NCKAP5: variants seen among roughly 807,000 people sequenced by gnomAD.
NCKAP5 encodes NCK associated protein 5.
In NCKAP5, 92 loss-of-function variants were observed where a neutral mutation model predicts 167.0. The ratio of observed to expected loss-of-function variants is 0.55; its 90% CI spans 0.47 to 0.66. The LOEUF is 0.66. NCKAP5 is among the 30% of genes least tolerant of loss of function. NCKAP5 has a pLI of 0.00. For missense variants in NCKAP5, 2,378 were observed against 2,315.0 expected (o/e 1.03, Z -0.56); for synonymous variants, 891 against 877.4 (o/e 1.02, Z -0.27).
chr2:133,596,069 C>G, the NCKAP5 span: 2 of 152,434 alleles, frequency 1.3e-5, no homozygotes, highest in African/African-American at 2.4e-5. Flanking sequence ...CCATTCTTAG[C>G]TTGTGGGCTA....
the NCKAP5 span, among the ~76,000 whole-genome samples, chr2:133,632,424 G>A: frequency 2.4e-4 from 36 of 152,296 alleles, no homozygotes; most frequent in African/African-American, 8.4e-4. Context: ...TAATGCAGGG[G>A]GAAAAAAAGA....
rs142555154 is a variant in NCKAP5 at position 133,440,499 on chromosome 2, A to G, written c.69+76959T>C. Among the ~76,000 whole-genome samples the G allele has an allele frequency of 1.7e-4, 26 of 152,068 alleles. 1 individual carries two copies. The East Asian group carries it at 4.9e-3, about 28-fold the overall frequency. On this transcript the variant is annotated intron_variant, in intron 3 of 19. Coordinates refer to ENST00000409261, the MANE Select transcript of NCKAP5 (RefSeq NM_207363.3). ...GCCGAGGAGGGTGGATCACAGGGTC[A>G]GGAGATCGAGACCATCCTGGCTAAC... is the stretch of plus-strand genomic sequence containing the variant.
At chr2:132,974,363 C>T (rs748814034) in intron 7 of NCKAP5, among the ~76,000 whole-genome samples, 1 of 152,156 alleles carries the variant, frequency 6.6e-6, no homozygotes, top group Non-Finnish European at 1.5e-5. Flanking sequence ...ATGAAATATG[C>T]TCTTTCCAGA....
At chr2:133,172,804 C>T (rs184280516) in intron 5 of NCKAP5, among the ~76,000 whole-genome samples, 36 of 152,256 alleles carry the variant, frequency 2.4e-4, no homozygotes, top group African/African-American at 8.7e-4. Context: ...CCCACCAACA[C>T]GCCCAGCTAA....
intron 6 of NCKAP5, among the ~76,000 whole-genome samples, chr2:133,084,836 A>G (rs1474986480): frequency 1.3e-5 from 2 of 152,146 alleles, no homozygotes; most frequent in African/African-American, 2.4e-5. Context: ...AAAAATTTCA[A>G]ATCGTTTTTC....
chr2:133,334,980 A>G (rs577400256), intron 3 of NCKAP5, among the ~76,000 whole-genome samples: 1 of 152,356 alleles, frequency 6.6e-6, no homozygotes, highest in African/African-American at 2.4e-5. Flanking sequence ...GAGGTCATTC[A>G]CTACCTCCTA....
chr2:132,953,652 CAG>C (rs141227824), intron 8 of NCKAP5, among the ~76,000 whole-genome samples: 261 of 144,172 alleles, frequency 1.8e-3, no homozygotes, highest in Non-Finnish European at 1.8e-3. Context: ...GACAGGCAGA[CAG>C]AGAGAGAGAG....
At chr2:132,878,286 C>A (rs952046352) in intron 9 of NCKAP5, among the ~76,000 whole-genome samples, 7 of 152,164 alleles carry the variant, frequency 4.6e-5, no homozygotes, top group Non-Finnish European at 1.0e-4. Flanking sequence ...TGCGTATAGC[C>A]CTGTCTTCTT....
At chr2:133,052,101 T>C (rs796778282) in intron 6 of NCKAP5, among the ~76,000 whole-genome samples, 4 of 152,344 alleles carry the variant, frequency 2.6e-5, no homozygotes, top group African/African-American at 9.6e-5. Context: ...TCATTGGTTG[T>C]CATTGGCAGT....
At chr2:133,541,884 G>A (rs1575128447) in intron 2 of NCKAP5, among the ~76,000 whole-genome samples, 1 of 152,176 alleles carries the variant, frequency 6.6e-6, no homozygotes, top group Admixed American at 6.5e-5. Context: ...AAACTAGGCT[G>A]AGGAGGAAGC....
chr2:132,960,799 C>G (rs1176059063), intron 8 of NCKAP5, among the ~76,000 whole-genome samples: 8 of 152,070 alleles, frequency 5.3e-5, no homozygotes, highest in African/African-American at 9.7e-5. Context: ...ATTTCATTTT[C>G]CACACCTTCT....
At chr2:133,550,712 A>G (rs1365189535) in intron 2 of NCKAP5, among the ~76,000 whole-genome samples, 1 of 126,386 alleles carries the variant, frequency 7.9e-6, no homozygotes, top group South Asian at 3.1e-4. Flanking sequence ...CTCTCTCACC[A>G]CTCCTATTCA....
chr2:132,755,790 C>T (rs976459599), intron 16 of NCKAP5, among the ~76,000 whole-genome samples: 7 of 150,564 alleles, frequency 4.6e-5, no homozygotes, highest in South Asian at 4.2e-4. Flanking sequence ...GAGATCGTGC[C>T]GCTACACTCC....
intron 16 of NCKAP5, among the ~76,000 whole-genome samples, chr2:132,761,532 T>C (rs780841862): frequency 2.0e-4 from 30 of 152,372 alleles, no homozygotes; most frequent in African/African-American, 3.4e-4. Flanking sequence ...AGCTCAGCCA[T>C]ACCTTTAAGA....
chr2:133,056,039 C>T (rs1312494277), intron 6 of NCKAP5, among the ~76,000 whole-genome samples: 2 of 152,118 alleles, frequency 1.3e-5, no homozygotes, highest in African/African-American at 2.4e-5. Flanking sequence ...CCATCTGTCC[C>T]TCCTCTCCCT....
intron 6 of NCKAP5, among the ~76,000 whole-genome samples, chr2:133,034,526 A>G (rs2078980313): frequency 7.0e-6 from 1 of 142,438 alleles, no homozygotes; most frequent in South Asian, 2.1e-4. Context: ...TAGAAAGACT[A>G]AATGATGAAC....
At chr2:133,293,721 C>T (rs569360022) in intron 4 of NCKAP5, among the ~76,000 whole-genome samples, 3 of 152,236 alleles carry the variant, frequency 2.0e-5, no homozygotes, top group East Asian at 3.9e-4. Flanking sequence ...TACCCAATTT[C>T]GAGAGCCCTG....
intron 3 of NCKAP5, among the ~76,000 whole-genome samples, chr2:133,462,566 T>C (rs1434999925): frequency 6.6e-6 from 1 of 152,184 alleles, no homozygotes; most frequent in Non-Finnish European, 1.5e-5. Context: ...ATCATGACCA[T>C]GATTTTAGAG....
At chr2:133,490,608 G>A (rs371131540) in intron 3 of NCKAP5, among the ~76,000 whole-genome samples, 48 of 152,270 alleles carry the variant, frequency 3.2e-4, no homozygotes, top group African/African-American at 9.1e-4. Context: ...ATTTCTGCAC[G>A]GTCAGCATAA....
Sources: allele counts gnomAD v4.1 joint callset (sites outside exome capture counted in the v4.1 genomes callset), GRCh38; gene constraint gnomAD v4.1.1; transcripts MANE v1.5; gene names NCBI Gene and HGNC (gene_info 2026-07-23, HGNC 2026-07-21).